Variants in DCUN1D1 observed in about 807,000 individuals in gnomAD.
DCUN1D1 encodes the protein DCN1-like protein 1.
A neutral mutation model predicts 39.0 loss-of-function variants in DCUN1D1; 3 were observed. That is an observed-to-expected ratio of 0.08 (90% CI 0.04 to 0.20). The LOEUF is 0.20. Among genes scored for constraint, DCUN1D1 ranks in the 10% least tolerant of loss-of-function variants. The probability of loss-of-function intolerance (pLI) is 1.00; values close to 1 mark genes in which losing one functional copy is unlikely to be tolerated. For synonymous variants in DCUN1D1, 82 were observed against 96.3 expected, an observed-to-expected ratio of 0.85 and a Z score of 0.87; for missense variants, 158 against 302.4, an observed-to-expected ratio of 0.52 and a Z score of 3.54.
At chr3:182,977,838 G>A (rs1221639357) in intron 1 of DCUN1D1, among the ~76,000 whole-genome samples, 1 of 151,786 alleles carries the variant, frequency 6.6e-6, no homozygotes, top group African/African-American at 2.4e-5. Flanking sequence ...TCAAGAGTTC[G>A]AGACCAGCCA....
At chr3:182,980,145 G>GGC (rs2108408198) in intron 1 of DCUN1D1, 2 of 838,494 alleles carry the variant, frequency 2.4e-6, no homozygotes, top group Non-Finnish European at 2.9e-6. Context: ...CAAGGCCGTT[G>GGC]CCCCCTCCCC....
chr3:182,968,097 CAG>C (rs1290525132), intron 1 of DCUN1D1, among the ~76,000 whole-genome samples: 1 of 152,144 alleles, frequency 6.6e-6, no homozygotes, highest in Non-Finnish European at 1.5e-5. Context: ...TTTTTAGAGA[CAG>C]GGTCTCGCTA....
intron 4 of DCUN1D1, among the ~76,000 whole-genome samples, chr3:182,960,499 C>T (rs928271402): frequency 6.6e-6 from 1 of 152,176 alleles, no homozygotes; most frequent in East Asian, 1.9e-4. Context: ...CCTCGTTCAG[C>T]CAAATACCAA....
intron 1 of DCUN1D1, among the ~76,000 whole-genome samples, chr3:182,973,070 C>T (rs1467063499): frequency 1.3e-5 from 2 of 152,088 alleles, no homozygotes; most frequent in Non-Finnish European, 2.9e-5. Context: ...CTCTGTATTA[C>T]TTTAGTCCCC....
intron 4 of DCUN1D1, among the ~76,000 whole-genome samples, chr3:182,950,482 CT>C (rs1258020275): frequency 2.7e-5 from 4 of 150,636 alleles, no homozygotes; most frequent in South Asian, 4.2e-4. Context: ...TTTCTTGGAT[CT>C]TTTTTTTTGA....
chr3:182,948,511 CAT>C (rs1262884011), intron 4 of DCUN1D1, among the ~76,000 whole-genome samples: 5 of 152,206 alleles, frequency 3.3e-5, no homozygotes, highest in African/African-American at 1.2e-4. Context: ...ACACTTATCA[CAT>C]GACAGAGAAC....
intron 1 of DCUN1D1, among the ~76,000 whole-genome samples, chr3:182,966,965 G>A (rs1019102864): frequency 2.0e-5 from 3 of 151,990 alleles, no homozygotes; most frequent in Admixed American, 6.6e-5. Context: ...AAATTAGCCA[G>A]GCATGGTGGC....
At chr3:182,947,117 A>AAAAAC in intron 6 of DCUN1D1, 121 bp downstream of exon 6, 1 of 605,106 alleles carries the variant, frequency 1.7e-6, no homozygotes, top group Non-Finnish European at 2.8e-6. Flanking sequence ...AAACAAAAAC[A>AAAAAC]AAACAAAAGC....
intron 1 of DCUN1D1, among the ~76,000 whole-genome samples, chr3:182,978,053 AC>A (rs1246446608): frequency 7.3e-5 from 9 of 122,988 alleles, no homozygotes; most frequent in African/African-American, 2.4e-4. Flanking sequence ...AAAAAAAAAA[AC>A]AACAACAACA....
In DCUN1D1 at chr3:182,945,178, A is replaced by G. The variant is rs185328412; in HGVS notation, c.701-5T>C. 8.0e-5 allele frequency: 127 copies of G among 1,591,782 alleles called. No individual in the cohort carries two copies. Among genetic ancestry groups the G allele is most frequent in the Non-Finnish European group, 5.1e-6 (6 of 1,173,298 alleles). ...CAATAAGAACAGGCCATGCTCCTGG[A>G]AAAAAGAAAAAATATGAAAGAAAGA... On this transcript the variant is annotated splice_polypyrimidine_tract_variant and splice_region_variant and intron_variant, in intron 6 of 6. Coordinates refer to ENST00000292782, the MANE Select transcript of DCUN1D1 (RefSeq NM_020640.4).
intron 1 of DCUN1D1, among the ~76,000 whole-genome samples, chr3:182,978,409 A>G (rs1728353649): frequency 6.6e-6 from 1 of 152,178 alleles, no homozygotes; most frequent in Admixed American, 6.5e-5. Flanking sequence ...TTTAAGAGAC[A>G]AGGTCTGTTA....
At chr3:182,969,455 G>A (rs1727828062) in intron 1 of DCUN1D1, among the ~76,000 whole-genome samples, 1 of 152,130 alleles carries the variant, frequency 6.6e-6, no homozygotes. Flanking sequence ...AAAAACAGAT[G>A]GATTTTTTCT....
chr3:182,964,699 G>A (rs1259495651), intron 2 of DCUN1D1, among the ~76,000 whole-genome samples: 1 of 141,566 alleles, frequency 7.1e-6, no homozygotes, highest in Non-Finnish European at 1.5e-5. Context: ...GGAGTGCAGT[G>A]GCATGATCTT....
At chr3:182,964,127 T>C (rs1727542795) in intron 2 of DCUN1D1, 78 bp from the exon 3 acceptor site, 4 of 1,235,874 alleles carry the variant, frequency 3.2e-6, no homozygotes, top group Non-Finnish European at 4.5e-6. Flanking sequence ...TAATGCTTTA[T>C]ATGCCATTTT....
At position 182,965,546 on chromosome 3, in the gene DCUN1D1, T is replaced by G. The variant is rs771050935; in HGVS notation, c.211A>C (p.Arg71=). Residue 71 remains arginine, a synonymous_variant, in exon 2 of 7, where the codon AGA becomes CGA. Transcript: ENST00000292782. ...ACAAGCAAGCACTCACCTTTGTATCTATTGTACAGCTGTTCTAACTTCTTC... is the reference window on the plus strand; with the variant it reads ...ACAAGCAAGCACTCACCTTTGTATCGATTGTACAGCTGTTCTAACTTCTTC... ...DRKKLEQLYN[R]YKDPQDENKI... 1 of 1,610,320 alleles carries G rather than the reference T, an allele frequency of 6.2e-7. No individual in the cohort carries two copies. Among genetic ancestry groups the G allele is most frequent in the Non-Finnish European group, 8.5e-7 (1 of 1,177,012 alleles).
upstream of DCUN1D1, among the ~76,000 whole-genome samples, chr3:182,984,329 T>C (rs1728657617): frequency 6.6e-6 from 1 of 152,222 alleles, no homozygotes; most frequent in Non-Finnish European, 1.5e-5. Context: ...ACATATTTGT[T>C]AAAATTGTCC....
At chr3:182,984,579 C>T (rs990602421), upstream of DCUN1D1, among the ~76,000 whole-genome samples, 2 of 151,898 alleles carry the variant, frequency 1.3e-5, no homozygotes, top group Admixed American at 6.6e-5. Context: ...TCTTGTCTAT[C>T]TCTCCTCCTC....
Position 182,943,479 on chromosome 3 carries a change from G to A in DCUN1D1, c.*1615C>T, listed in dbSNP as rs1726240192. 6.6e-6 allele frequency: 1 copy of A among 152,402 alleles called. No individual in the cohort carries two copies. Among genetic ancestry groups the A allele is most frequent in the Admixed American group, 6.6e-5 (1 of 15,250 alleles). The allele number at this position is 152,402 out of a possible 1,614,324, so 9.4% of individuals were successfully genotyped here. On this transcript the variant is annotated 3_prime_UTR_variant, in exon 7 of 7. Coordinates refer to ENST00000292782, the MANE Select transcript of DCUN1D1 (RefSeq NM_020640.4). Reference sequence around the variant, plus strand: ...ATATGTCTATAGGGAAAGCTTTCTAGTCTATTTCAAAATCATGTAAAAAGC... The same window carrying A: ...ATATGTCTATAGGGAAAGCTTTCTAATCTATTTCAAAATCATGTAAAAAGC...
chr3:182,981,580 A>G (rs1728552783), upstream of DCUN1D1, among the ~76,000 whole-genome samples: 1 of 151,360 alleles, frequency 6.6e-6, no homozygotes, highest in East Asian at 1.9e-4. Flanking sequence ...AAGAAAGCAA[A>G]CTCACTCAGA....
Sources: gnomAD v4.1 joint callset for allele counts (sites outside exome capture counted in the v4.1 genomes callset) on GRCh38, gnomAD v4.1.1 for gene constraint, MANE v1.5 for transcripts, NCBI Gene and HGNC (gene_info 2026-07-23, HGNC 2026-07-21) for gene names.